Variants in FASTKD2 observed in about 807,000 individuals in gnomAD.
The protein encoded by FASTKD2 is FAST kinase domains 2.
In FASTKD2, 51 loss-of-function variants were observed where a neutral mutation model predicts 63.6. The ratio of observed to expected loss-of-function variants is 0.80; its 90% CI spans 0.64 to 1.01. The LOEUF (loss-of-function observed/expected upper bound fraction) is 1.01, where lower values mean the gene tolerates loss of function less well. FASTKD2 is among the 50% of genes least tolerant of loss of function. FASTKD2 has a pLI of 0.00. For synonymous variants in FASTKD2, 284 were observed against 293.4 expected (o/e 0.97, Z 0.33); for missense variants, 786 against 831.1 (o/e 0.95, Z 0.67).
At position 206,793,801 on chromosome 2, in the gene FASTKD2, A is replaced by G. The variant is rs189130593; in HGVS notation, c.*1999A>G. On this transcript the variant is annotated 3_prime_UTR_variant, in exon 12 of 12. Coordinates refer to ENST00000402774, the MANE Select transcript of FASTKD2 (RefSeq NM_001136193.2). Reference sequence around the variant, plus strand: ...TAGCATTCTTCATTGCTTTGTGTCAATGAAAGAAAAATGGGCAAAGAGCTG... The same window carrying G: ...TAGCATTCTTCATTGCTTTGTGTCAGTGAAAGAAAAATGGGCAAAGAGCTG... 7.6e-4 allele frequency among the ~76,000 whole-genome samples: 116 copies of G among 152,264 alleles called. No homozygotes were observed. Among genetic ancestry groups the G allele is most frequent in the African/African-American group, 2.6e-3 (109 of 41,502 alleles).
In FASTKD2 at chr2:206,791,862, C is replaced by T. The variant is rs910041107; in HGVS notation, c.*60C>T. 11 of 1,505,088 alleles carry T rather than the reference C, an allele frequency of 7.3e-6. No individual in the cohort carries two copies. The highest frequency in any genetic ancestry group is 1.0e-5 in the Non-Finnish European group (11 of 1,093,082). The allele number at this position is 1,505,088 out of a possible 1,614,324, so 93.2% of individuals were successfully genotyped here. Reference sequence around the variant, plus strand: ...CATTTGTAAAAATTAATAAAGATGACAAGTCAGTTGTCAATGGAATTGAGC... The same window carrying T: ...CATTTGTAAAAATTAATAAAGATGATAAGTCAGTTGTCAATGGAATTGAGC... On this transcript the variant is annotated 3_prime_UTR_variant, in exon 12 of 12. Transcript: ENST00000402774.
intron 9 of FASTKD2, 118 bp from the exon 10 acceptor site, chr2:206,788,701 C>T (rs1330642533): frequency 4.7e-6 from 3 of 636,364 alleles, no homozygotes; most frequent in Admixed American, 2.7e-5. Context: ...TACTGCACTC[C>T]AGCCTGGATG....
At chr2:206,779,934 G>C (rs74501951) in intron 7 of FASTKD2, among the ~76,000 whole-genome samples, 1,812 of 152,140 alleles carry the variant, frequency 0.012, 43 homozygotes, top group African/African-American at 0.041. Context: ...TGGTTACCAT[G>C]GGTCTTACAT....
At chr2:206,781,432 C>T (rs1689974841) in intron 7 of FASTKD2, among the ~76,000 whole-genome samples, 1 of 147,160 alleles carries the variant, frequency 6.8e-6, no homozygotes, top group Admixed American at 7.1e-5. Context: ...TCTCCTGTCT[C>T]AGCCTCCCAA....
intron 3 of FASTKD2, 140 bp from the exon 4 acceptor site, chr2:206,771,042 C>G (rs1289690502): frequency 4.7e-6 from 3 of 633,056 alleles, no homozygotes; most frequent in Non-Finnish European, 8.5e-6. Context: ...TAACTACTTA[C>G]ACTCTCTCAA....
chr2:206,791,720 A>G lies in FASTKD2; in HGVS notation c.2051A>G (p.Asp684Gly). The change falls in exon 12 of 12, where the codon GAT becomes GGT. Residue 684 changes from aspartate to glycine, a missense_variant. Asp to Gly is a moderately conservative substitution (Grantham distance 94). Transcript: ENST00000402774. Reference protein sequence around the residue: ...NWEMDKLEMEDAVTFLKTKIY... With the variant: ...NWEMDKLEMEGAVTFLKTKIY... ...GAGATGGACAAACTAGAGATGGAAG[A>G]TGCAGTCACATTTTTGAAGACTAAA... 2 of 1,611,946 alleles carry G rather than the reference A, an allele frequency of 1.2e-6. No individual in the cohort carries two copies. Among genetic ancestry groups the G allele is most frequent in the Non-Finnish European group, 8.5e-7 (1 of 1,178,272 alleles).
At chr2:206,780,116 G>T (rs1689931642) in intron 7 of FASTKD2, among the ~76,000 whole-genome samples, 1 of 151,976 alleles carries the variant, frequency 6.6e-6, no homozygotes, top group African/African-American at 2.4e-5. Context: ...ATTCTTGATA[G>T]TTTTTTTAAC....
In FASTKD2 at chr2:206,767,441, T is replaced by G. The variant is rs748570624; in HGVS notation, c.748T>G (p.Leu250Val). ...VKLGIPQNTI[L>V]VQTLLRVTQE... ...GCTTGGAATCCCTCAGAACACTATT[T>G]TGGTGCAGACTTTGCTGAGGGTGAC... The change falls in exon 2 of 12, where the codon TTG becomes GTG. Residue 250 changes from leucine to valine, a missense_variant. By Grantham distance (32) the Leu-to-Val change is conservative. Transcript: ENST00000402774. 2 of 1,612,162 alleles carry G rather than the reference T, an allele frequency of 1.2e-6. No homozygotes were observed. Among genetic ancestry groups the G allele is most frequent in the African/African-American group, 1.3e-5 (1 of 74,926 alleles).
Position 206,795,127 on chromosome 2 carries a change from A to C in FASTKD2, c.*3325A>C, listed in dbSNP as rs1301766449. 1.3e-5 allele frequency among the ~76,000 whole-genome samples: 2 copies of C among 152,202 alleles called. No homozygotes were observed. The highest frequency in any genetic ancestry group is 2.9e-5 in the Non-Finnish European group (2 of 68,024). On this transcript the variant is annotated 3_prime_UTR_variant, in exon 12 of 12. Transcript: ENST00000402774. The stretch of plus-strand genomic sequence containing the variant: ...ATACTCTTCATTCACAGGGCCTGAG[A>C]GGTGGACCATCAGACTCCACCCTGT...
At position 206,788,894 on chromosome 2, in the gene FASTKD2, A is replaced by G. The variant is rs1467595374; in HGVS notation, c.1889A>G (p.Asp630Gly). 1.3e-6 allele frequency: 2 copies of G among 1,532,624 alleles called. No individual in the cohort carries two copies. The highest frequency in any genetic ancestry group is 1.8e-6 in the Non-Finnish European group (2 of 1,106,428). 94.9% of individuals were successfully genotyped at this position (1,532,624 alleles called of 1,614,324 possible). ...GATGTGGATACAACTTCTGCTACAGATATTCAAAGGTTGCTTACATATATT... is the reference window on the plus strand; with the variant it reads ...GATGTGGATACAACTTCTGCTACAGGTATTCAAAGGTTGCTTACATATATT... ...LSDVDTTSAT[D>G]IQRVAVLCVS... Residue 630 changes from aspartate to glycine, a missense_variant, in exon 10 of 12, where the codon GAT becomes GGT. Asp to Gly is a moderately conservative substitution (Grantham distance 94). Transcript: ENST00000402774.
chr2:206,773,894 G>T (rs1404698107), intron 6 of FASTKD2, among the ~76,000 whole-genome samples: 1 of 152,114 alleles, frequency 6.6e-6, no homozygotes, highest in Non-Finnish European at 1.5e-5. Flanking sequence ...TTCAGAAAAG[G>T]CATATTTAAA....
chr2:206,777,180 A>C (rs996925958), intron 7 of FASTKD2, among the ~76,000 whole-genome samples: 6 of 152,002 alleles, frequency 3.9e-5, no homozygotes, highest in Non-Finnish European at 5.9e-5. Context: ...TTTCATTTGC[A>C]TAATTACTCT....
Position 206,766,844 on chromosome 2 carries a change from C to T in FASTKD2, c.151C>T (p.Pro51Ser), listed in dbSNP as rs1689503803. ...GCTATGTTGTTTGGGACTTTGCAAA[C>T]CAAAAATAGTTCATTCAAACTGGAA... Reference protein sequence around the residue: ...MRLCCLGLCKPKIVHSNWNIL... With the variant: ...MRLCCLGLCKSKIVHSNWNIL... Residue 51 changes from proline to serine, a missense_variant, in exon 2 of 12, where the codon CCA (proline) becomes TCA (serine). Coordinates refer to ENST00000402774, the MANE Select transcript of FASTKD2 (RefSeq NM_001136193.2). 2 of 1,607,602 alleles carry T rather than the reference C, an allele frequency of 1.2e-6. No individual in the cohort carries two copies. The highest frequency in any genetic ancestry group is 8.5e-7 in the Non-Finnish European group (1 of 1,176,774).
At position 206,771,291 on chromosome 2, in the gene FASTKD2, G is replaced by A. The variant is rs775078257; in HGVS notation, c.990+1G>A. 4 of 1,542,618 alleles carry A rather than the reference G, an allele frequency of 2.6e-6. No homozygotes were observed. The highest frequency in any genetic ancestry group is 3.6e-6 in the Non-Finnish European group (4 of 1,114,916). On this transcript the variant is annotated splice_donor_variant, in intron 4 of 11. Coordinates refer to ENST00000402774, the MANE Select transcript of FASTKD2 (RefSeq NM_001136193.2). LOFTEE classifies it high-confidence loss of function. ...GATTGCTCTTAAGAGGAAACTGGAG[G>A]TAAACACATGAATTTTCTCTAGTGG...
At chr2:206,776,232 A>G (rs900172156) in intron 7 of FASTKD2, among the ~76,000 whole-genome samples, 2 of 151,798 alleles carry the variant, frequency 1.3e-5, no homozygotes, top group Admixed American at 6.6e-5. Flanking sequence ...AAGCATAAAT[A>G]TATGAGTTAC....
chr2:206,792,093 G>T lies in FASTKD2; in HGVS notation c.*291G>T. ...TTTCATCTTTGATCTACTAAAAACT[G>T]GTTTCTTAGTTGTGAGGTGTCACAG... On this transcript the variant is annotated 3_prime_UTR_variant, in exon 12 of 12. Coordinates refer to ENST00000402774, the MANE Select transcript of FASTKD2 (RefSeq NM_001136193.2). The T allele has an allele frequency of 2.6e-6, 1 of 390,854 alleles. No individual in the cohort carries two copies. The highest frequency in any genetic ancestry group is 6.0e-5 in the East Asian group (1 of 16,768). 24.2% of individuals were successfully genotyped at this position (390,854 alleles called of 1,614,324 possible).
intron 7 of FASTKD2, among the ~76,000 whole-genome samples, chr2:206,780,045 A>G (rs887799521): frequency 3.3e-5 from 5 of 152,324 alleles, no homozygotes; most frequent in Middle Eastern, 3.4e-3. Context: ...TTTGTTATTG[A>G]TGTGACAGTT....
Position 206,767,313 on chromosome 2 carries a change from T to C in FASTKD2, c.620T>C (p.Met207Thr). 6.2e-7 allele frequency: 1 copy of C among 1,614,190 alleles called. No homozygotes were observed. Among genetic ancestry groups the C allele is most frequent in the Admixed American group, 1.7e-5 (1 of 60,034 alleles). Residue 207 changes from methionine (M) to threonine (T), a missense_variant, in exon 2 of 12, where the codon ATG becomes ACG. Physicochemically the swap from Met to Thr is moderately conservative, Grantham distance 81 (BLOSUM62 -1). Transcript: ENST00000402774. ...DDQKRFEKRL[M>T]FSHPAFNQLC... Reference sequence around the variant, plus strand: ...CAGAAGCGCTTTGAAAAACGACTGATGTTTAGCCACCCTGCATTTAATCAG... The same window carrying C: ...CAGAAGCGCTTTGAAAAACGACTGACGTTTAGCCACCCTGCATTTAATCAG...
At chr2:206,765,915 G>A (rs1463834824) in intron 1 of FASTKD2, among the ~76,000 whole-genome samples, 168 bp downstream of exon 1, 1 of 151,958 alleles carries the variant, frequency 6.6e-6, no homozygotes, top group Non-Finnish European at 1.5e-5. Flanking sequence ...CCACTGAGCC[G>A]TTCTACCTGC....
Sources: allele counts gnomAD v4.1 joint callset (sites outside exome capture counted in the v4.1 genomes callset), GRCh38; gene constraint gnomAD v4.1.1; transcripts MANE v1.5; gene names NCBI Gene and HGNC (gene_info 2026-07-23, HGNC 2026-07-21).